HTR7: variants seen among roughly 807,000 people sequenced by gnomAD.
The protein encoded by HTR7 is 5-HT-7.
In HTR7, 16 loss-of-function variants were observed where a neutral mutation model predicts 34.0. The observed-to-expected ratio is 0.47, with a 90% CI of 0.32 to 0.71. HTR7 has a LOEUF of 0.71. Among genes scored for constraint, HTR7 ranks in the 30% least tolerant of loss-of-function variants. The probability of loss-of-function intolerance (pLI) is 0.04; values close to 1 mark genes in which losing one functional copy is unlikely to be tolerated. For synonymous variants in HTR7, 265 were observed against 260.2 expected (o/e 1.02, Z -0.18); for missense variants, 504 against 625.5 (o/e 0.81, Z 2.07).
intron 1 of HTR7, among the ~76,000 whole-genome samples, chr10:90,789,324 G>A (rs1200260906): frequency 6.6e-6 from 1 of 152,022 alleles, no homozygotes; most frequent in East Asian, 1.9e-4. Flanking sequence ...TTCACAACTA[G>A]TCTTCTCAAG....
chr10:90,768,080 G>A (rs1312774973), intron 1 of HTR7, among the ~76,000 whole-genome samples: 1 of 152,092 alleles, frequency 6.6e-6, no homozygotes, highest in Non-Finnish European at 1.5e-5. Context: ...CCACAAAACT[G>A]AACATCCTTC....
At position 90,825,294 on chromosome 10, in the gene HTR7, G is replaced by A. The variant is rs185299874; in HGVS notation, c.539+31839C>T. 1.7e-3 allele frequency among the ~76,000 whole-genome samples: 264 copies of A among 152,254 alleles called. 2 individuals carry two copies. The highest frequency in any genetic ancestry group is 5.9e-3 in the African/African-American group (245 of 41,544). On this transcript the variant is annotated intron_variant, in intron 1 of 3. Coordinates refer to ENST00000336152, the MANE Select transcript of HTR7 (RefSeq NM_019859.4). The stretch of plus-strand genomic sequence containing the variant: ...AGGCTTATACCTCTACAAGGCTGCC[G>A]CCTAATGCAGACATGGCGGCAGTGA...
chr10:90,837,322 T>A (rs1846268917), intron 1 of HTR7, among the ~76,000 whole-genome samples: 1 of 152,224 alleles, frequency 6.6e-6, no homozygotes, highest in Non-Finnish European at 1.5e-5. Context: ...GACCTCAAAG[T>A]TTTTGTGCAT....
intron 2 of HTR7, among the ~76,000 whole-genome samples, chr10:90,747,920 C>A (rs192774521): frequency 5.1e-4 from 77 of 152,296 alleles, no homozygotes; most frequent in African/African-American, 1.6e-3. Flanking sequence ...ATGTTGACAC[C>A]TCTAACTAGT....
At chr10:90,851,623 A>C (rs1162706770) in intron 1 of HTR7, among the ~76,000 whole-genome samples, 9 of 151,562 alleles carry the variant, frequency 5.9e-5, no homozygotes, top group African/African-American at 2.2e-4. Flanking sequence ...AAAAAAAAAA[A>C]AAAAGAAGGA....
chr10:90,742,393 C>G lies in HTR7; in HGVS notation c.*89G>C. The G allele has an allele frequency of 1.0e-6, 1 of 953,790 alleles. No homozygotes were observed. 59.1% of individuals were successfully genotyped at this position (953,790 alleles called of 1,614,324 possible). Reference sequence around the variant, plus strand: ...TAGACATCCCAAGAAAGGACAGAAGCTGCATTCCATTCTGCAGACTCAGCA... The same window carrying G: ...TAGACATCCCAAGAAAGGACAGAAGGTGCATTCCATTCTGCAGACTCAGCA... On this transcript the variant is annotated 3_prime_UTR_variant, in exon 4 of 4. Transcript: ENST00000336152.
intron 1 of HTR7, among the ~76,000 whole-genome samples, chr10:90,756,130 T>G (rs1408135182): frequency 6.6e-6 from 1 of 152,150 alleles, no homozygotes; most frequent in Non-Finnish European, 1.5e-5. Context: ...AAGAACATAC[T>G]ATTCAAAACC....
intron 1 of HTR7, among the ~76,000 whole-genome samples, chr10:90,790,300 T>C (rs764142321): frequency 1.3e-5 from 2 of 152,190 alleles, no homozygotes; most frequent in Non-Finnish European, 2.9e-5. Context: ...CTGGTTAACT[T>C]TGCTTTTTTC....
chr10:90,820,244 G>A (rs183622905), intron 1 of HTR7, among the ~76,000 whole-genome samples: 4 of 152,302 alleles, frequency 2.6e-5, no homozygotes, highest in Admixed American at 2.6e-4. Context: ...AAATAATAAA[G>A]ATTTTTAGGT....
At chr10:90,807,569 C>G (rs552462504) in intron 1 of HTR7, among the ~76,000 whole-genome samples, 13 of 152,322 alleles carry the variant, frequency 8.5e-5, no homozygotes, top group South Asian at 4.2e-4. Context: ...GAACAAAACC[C>G]CTTTGACTGT....
At chr10:90,759,661 C>CAAAAAAAAAAAAAAA (rs60718814) in intron 1 of HTR7, among the ~76,000 whole-genome samples, 1 of 69,384 alleles carries the variant, frequency 1.4e-5, no homozygotes, top group African/African-American at 4.9e-5. Context: ...GACTCTGTCT[C>CAAAAAAAAAAAAAAA]AAAAAAAAAA....
At chr10:90,825,546 T>C (rs887828948) in intron 1 of HTR7, among the ~76,000 whole-genome samples, 2 of 152,204 alleles carry the variant, frequency 1.3e-5, no homozygotes, top group African/African-American at 4.8e-5. Flanking sequence ...GATGGAGATA[T>C]GTGACCTTTC....
At chr10:90,743,850 C>T (rs1410920557) in intron 2 of HTR7, 160 bp from the exon 3 acceptor site, 3 of 736,496 alleles carry the variant, frequency 4.1e-6, no homozygotes, top group South Asian at 3.0e-5. Flanking sequence ...ATTAAAATTA[C>T]CAGTGCAAAA....
At chr10:90,746,566 C>T (rs1844639375) in intron 2 of HTR7, among the ~76,000 whole-genome samples, 1 of 152,174 alleles carries the variant, frequency 6.6e-6, no homozygotes, top group African/African-American at 2.4e-5. Flanking sequence ...ACACGCTTTC[C>T]TTTTCCTGTG....
intron 1 of HTR7, among the ~76,000 whole-genome samples, chr10:90,780,850 C>A (rs1845297407): frequency 6.6e-6 from 1 of 152,150 alleles, no homozygotes; most frequent in African/African-American, 2.4e-5. Context: ...CAGACATAAC[C>A]CCTAGTGCCT....
intron 1 of HTR7, among the ~76,000 whole-genome samples, chr10:90,775,279 A>G (rs1480597846): frequency 6.6e-6 from 1 of 152,196 alleles, no homozygotes; most frequent in African/African-American, 2.4e-5. Context: ...ACAAATCATC[A>G]TCCTTGGTGA....
chr10:90,814,191 G>T (rs950256181), intron 1 of HTR7, among the ~76,000 whole-genome samples: 1 of 152,200 alleles, frequency 6.6e-6, no homozygotes, highest in Non-Finnish European at 1.5e-5. Context: ...CTAAGAAGGG[G>T]AACTATCCAA....
At chr10:90,778,802 T>C (rs1317645601) in intron 1 of HTR7, among the ~76,000 whole-genome samples, 1 of 152,246 alleles carries the variant, frequency 6.6e-6, no homozygotes, top group Non-Finnish European at 1.5e-5. Context: ...TCTCCATTCC[T>C]GGATACTATT....
chr10:90,851,270 A>C (rs1846494451), intron 1 of HTR7, among the ~76,000 whole-genome samples: 1 of 152,184 alleles, frequency 6.6e-6, no homozygotes, highest in African/African-American at 2.4e-5. Flanking sequence ...GGGGAAAAAA[A>C]CTAGAAATAT....
Sources: allele counts gnomAD v4.1 joint callset (sites outside exome capture counted in the v4.1 genomes callset), GRCh38; gene constraint gnomAD v4.1.1; transcripts MANE v1.5; gene names NCBI Gene and HGNC (gene_info 2026-07-23, HGNC 2026-07-21).